Variants in NFAT5 observed in about 807,000 individuals in gnomAD.
NFAT5 encodes nuclear factor of activated T cells 5, also known as nuclear factor of activated T-cells 5.
In NFAT5, 31 loss-of-function variants were observed where a neutral mutation model predicts 166.5. That is an observed-to-expected ratio of 0.19 (90% CI 0.14 to 0.25). The LOEUF is 0.25. NFAT5 is among the 10% of genes least tolerant of loss of function. The pLI, the probability that NFAT5 is intolerant of heterozygous loss-of-function variation, is 1.00. For missense variants in NFAT5, 1,449 were observed against 1,821.8 expected (o/e 0.80, Z 3.72); for synonymous variants, 612 against 639.7 (o/e 0.96, Z 0.65).
chr16:69,699,331 G>A lies in NFAT5; in HGVS notation c.*2980G>A, dbSNP rs966007764. 1 of 152,758 alleles carries A rather than the reference G, an allele frequency of 6.5e-6. No homozygotes were observed. Among genetic ancestry groups the A allele is most frequent in the African/African-American group, 2.4e-5 (1 of 41,438 alleles). The allele number at this position is 152,758 out of a possible 1,614,324, so 9.5% of individuals were successfully genotyped here. A position where few individuals can be genotyped will look rare whatever the true frequency, so the allele number is the denominator to read the frequency against. ...CAATTTTCTGTTTTATAATATCTAA[G>A]TTTAGAACAGAATATATACCTGAAC... is the stretch of plus-strand genomic sequence containing the variant. On this transcript the variant is annotated 3_prime_UTR_variant, in exon 15 of 15. Transcript: ENST00000349945.
At chr16:69,605,737 C>T (rs1220410780) in intron 2 of NFAT5, among the ~76,000 whole-genome samples, 1 of 151,010 alleles carries the variant, frequency 6.6e-6, no homozygotes, top group African/African-American at 2.4e-5. Context: ...GACGGAGTCT[C>T]GTTCTGTCGC....
intron 2 of NFAT5, among the ~76,000 whole-genome samples, chr16:69,625,192 G>A (rs2034400159): frequency 6.6e-6 from 1 of 151,990 alleles, no homozygotes; most frequent in South Asian, 2.1e-4. Flanking sequence ...CATGACCATT[G>A]TGCCTAGCTC....
At chr16:69,652,816 T>C (rs1207879569) in intron 4 of NFAT5, among the ~76,000 whole-genome samples, 3 of 152,196 alleles carry the variant, frequency 2.0e-5, no homozygotes, top group Non-Finnish European at 2.9e-5. Context: ...GTTAATCTTA[T>C]AGCTTTATAT....
intron 2 of NFAT5, among the ~76,000 whole-genome samples, chr16:69,595,928 G>A (rs919843810): frequency 3.9e-5 from 6 of 152,166 alleles, no homozygotes; most frequent in Admixed American, 3.9e-4. Context: ...CTGGGTAAAG[G>A]GATGATTCAT....
At chr16:69,679,020 G>T (rs1040740399) in intron 10 of NFAT5, among the ~76,000 whole-genome samples, 1 of 151,984 alleles carries the variant, frequency 6.6e-6, no homozygotes, top group African/African-American at 2.4e-5. Flanking sequence ...TGCAACCTCT[G>T]CCTCCCAGGT....
intron 7 of NFAT5, among the ~76,000 whole-genome samples, chr16:69,664,400 T>G (rs1455483150): frequency 6.6e-6 from 1 of 152,182 alleles, no homozygotes; most frequent in Non-Finnish European, 1.5e-5. Context: ...TTCTCCTGCC[T>G]CAGCCTCCCG....
In NFAT5 at chr16:69,660,270, A is replaced by T. The variant is rs546725660; in HGVS notation, c.1369+371A>T. ...AATCCTGTCTCTACAAAATAAAAAA[A>T]TATATATAATAAGTTGGGTGTGATG... On this transcript the variant is annotated intron_variant, in intron 7 of 14. Transcript: ENST00000349945. 3.9e-5 allele frequency among the ~76,000 whole-genome samples: 6 copies of T among 152,254 alleles called. No individual in the cohort carries two copies. In the South Asian group the frequency reaches 1.0e-3, roughly 26 times the overall value.
At chr16:69,668,067 A>T (rs1421100820) in intron 7 of NFAT5, among the ~76,000 whole-genome samples, 1 of 152,006 alleles carries the variant, frequency 6.6e-6, no homozygotes, top group Admixed American at 6.5e-5. Flanking sequence ...CCTGGGTTCA[A>T]CCGATTCTCC....
chr16:69,695,375 G>T lies in NFAT5; in HGVS notation c.*4G>T, dbSNP rs751896667. 4.4e-6 allele frequency: 7 copies of T among 1,603,306 alleles called. No homozygotes were observed. The highest frequency in any genetic ancestry group is 6.0e-6 in the Non-Finnish European group (7 of 1,170,264). On this transcript the variant is annotated 3_prime_UTR_variant, in exon 14 of 15. Transcript: ENST00000349945. ...CAACTTGACTGGCTCCTTTTAACTG[G>T]ATATGTAAGTATTGCATTTTGGCTT...
At chr16:69,638,626 C>T (rs1331613393) in intron 3 of NFAT5, among the ~76,000 whole-genome samples, 1 of 150,910 alleles carries the variant, frequency 6.6e-6, no homozygotes, top group Non-Finnish European at 1.5e-5. Context: ...ATCCCAGCGA[C>T]TCGGGAGGCT....
chr16:69,654,722 G>A (rs2035811411), intron 5 of NFAT5, among the ~76,000 whole-genome samples: 2 of 152,186 alleles, frequency 1.3e-5, no homozygotes, highest in Admixed American at 6.5e-5. Flanking sequence ...GCCAGGCACT[G>A]TTCTAGATTC....
intron 3 of NFAT5, among the ~76,000 whole-genome samples, chr16:69,633,183 A>C (rs2034794661): frequency 1.3e-5 from 2 of 152,154 alleles, no homozygotes; most frequent in African/African-American, 4.8e-5. Context: ...TTGTCCTCTT[A>C]ATAACACTTT....
At chr16:69,618,982 A>G (rs1485943608) in intron 2 of NFAT5, among the ~76,000 whole-genome samples, 2 of 152,220 alleles carry the variant, frequency 1.3e-5, no homozygotes, top group Non-Finnish European at 1.5e-5. Flanking sequence ...ACGAAACAGA[A>G]ACATCTTATT....
At chr16:69,671,375 G>A (rs2036614009) in intron 9 of NFAT5, among the ~76,000 whole-genome samples, 2 of 152,026 alleles carry the variant, frequency 1.3e-5, no homozygotes, top group Admixed American at 1.3e-4. Flanking sequence ...TTTTTGTTTT[G>A]TTGTTGTTGT....
chr16:69,625,709 G>A (rs998531183), intron 2 of NFAT5, among the ~76,000 whole-genome samples: 5 of 152,028 alleles, frequency 3.3e-5, no homozygotes, highest in South Asian at 2.1e-4. Flanking sequence ...CTGATCCACA[G>A]TAGTATATGC....
intron 10 of NFAT5, among the ~76,000 whole-genome samples, chr16:69,680,034 C>T (rs1249762069): frequency 6.6e-6 from 1 of 152,120 alleles, no homozygotes. Context: ...AGGAGAATGG[C>T]ATGAACCTGG....
intron 2 of NFAT5, among the ~76,000 whole-genome samples, chr16:69,574,477 T>C (rs1451321208): frequency 6.6e-6 from 1 of 152,158 alleles, no homozygotes; most frequent in East Asian, 1.9e-4. Context: ...ATGATAATTA[T>C]GTACTTGAGT....
intron 2 of NFAT5, among the ~76,000 whole-genome samples, chr16:69,618,014 T>C (rs8054000): frequency 0.37 from 55,479 of 151,634 alleles, 11,144 homozygotes; most frequent in African/African-American, 0.53. Flanking sequence ...CAAAATTAGC[T>C]GGGCGTGGTG....
rs1035904734 is a variant in NFAT5 at position 69,586,840 on chromosome 16, C to A, written c.127+18292C>A. On this transcript the variant is annotated intron_variant, in intron 2 of 14. Transcript: ENST00000349945. ...ATATCACAGAATTATGGCAGTGAGC[C>A]AAGAAGAAGAAAAGCTGTATTAGTG... Among the ~76,000 whole-genome samples the A allele has an allele frequency of 2.0e-5, 3 of 152,018 alleles. No homozygotes were observed. The South Asian group carries it at 6.2e-4, about 32-fold the overall frequency.
Sources: gnomAD v4.1 joint callset for allele counts (sites outside exome capture counted in the v4.1 genomes callset) on GRCh38, gnomAD v4.1.1 for gene constraint, MANE v1.5 for transcripts, NCBI Gene and HGNC (gene_info 2026-07-23, HGNC 2026-07-21) for gene names.